Variants in DNER observed in about 807,000 individuals in gnomAD.
DNER encodes delta/notch like EGF repeat containing, also known as delta and Notch-like epidermal growth factor-related receptor.
Under a neutral mutation model 78.2 loss-of-function variants are expected in DNER, and 33 were observed. That is an observed-to-expected ratio of 0.42 (90% CI 0.32 to 0.56). DNER has a LOEUF of 0.56. DNER is among the 20% of genes least tolerant of loss of function. The pLI, the probability that DNER is intolerant of heterozygous loss-of-function variation, is 0.11. For missense variants in DNER, 918 were observed against 975.3 expected, an observed-to-expected ratio of 0.94 and a Z score of 0.78; for synonymous variants, 417 against 384.8, an observed-to-expected ratio of 1.08 and a Z score of -0.98.
At chr2:229,491,893 TA>T (rs1389712956) in intron 6 of DNER, among the ~76,000 whole-genome samples, 7 of 152,018 alleles carry the variant, frequency 4.6e-5, no homozygotes, top group Non-Finnish European at 1.0e-4. Flanking sequence ...TGCTCAGCCA[TA>T]ACCTTAAGTA....
chr2:229,394,319 T>C (rs1165696646), intron 10 of DNER, among the ~76,000 whole-genome samples: 1 of 151,634 alleles, frequency 6.6e-6, no homozygotes, highest in Non-Finnish European at 1.5e-5. Context: ...GTCCGAAGGG[T>C]AATGGTGTGG....
At chr2:229,657,773 C>T (rs1040380261) in intron 1 of DNER, among the ~76,000 whole-genome samples, 10 of 152,150 alleles carry the variant, frequency 6.6e-5, no homozygotes, top group Non-Finnish European at 1.2e-4. Flanking sequence ...AAATACCTGC[C>T]GGGTGGATAA....
intron 5 of DNER, among the ~76,000 whole-genome samples, chr2:229,515,617 C>A (rs116656095): frequency 0.015 from 2,272 of 148,528 alleles, 58 homozygotes; most frequent in African/African-American, 0.053. Flanking sequence ...AGCCCCAAAT[C>A]AAATATCTTC....
chr2:229,512,158 G>A (rs150605503), intron 6 of DNER, among the ~76,000 whole-genome samples: 1,670 of 152,252 alleles, frequency 0.011, 32 homozygotes, highest in African/African-American at 0.038. Context: ...GGAGGCAGGT[G>A]GATCACCTGA....
intron 1 of DNER, among the ~76,000 whole-genome samples, chr2:229,602,264 A>C (rs1697843163): frequency 6.6e-6 from 1 of 152,212 alleles, no homozygotes; most frequent in South Asian, 2.1e-4. Flanking sequence ...AATGCAGAAA[A>C]AACTCTTATT....
Position 229,636,023 on chromosome 2 carries a change from A to G in DNER, c.277-44135T>C, listed in dbSNP as rs577427349. Among the ~76,000 whole-genome samples the G allele has an allele frequency of 1.4e-4, 22 of 152,300 alleles. No individual in the cohort carries two copies. In the East Asian group the frequency reaches 4.2e-3, roughly 29 times the overall value. On this transcript the variant is annotated intron_variant, in intron 1 of 12. Coordinates refer to ENST00000341772, the MANE Select transcript of DNER (RefSeq NM_139072.4). ...TACAAAAAAGTTAAGTAATTTGGCC[A>G]TGGTTACAAACTCAGAAAAGACAGA...
intron 1 of DNER, among the ~76,000 whole-genome samples, chr2:229,667,000 A>G (rs1221978300): frequency 6.6e-6 from 1 of 152,228 alleles, no homozygotes; most frequent in Admixed American, 6.5e-5. Flanking sequence ...CAGGAAAATA[A>G]AAGAGTCACC....
chr2:229,456,368 CTG>C (rs1315150599), intron 7 of DNER, among the ~76,000 whole-genome samples: 2 of 151,616 alleles, frequency 1.3e-5, no homozygotes, highest in African/African-American at 4.9e-5. Context: ...ACCTCCAACA[CTG>C]GGAATTACGT....
intron 1 of DNER, among the ~76,000 whole-genome samples, chr2:229,704,949 C>T (rs925814920): frequency 1.4e-4 from 22 of 152,340 alleles, no homozygotes; most frequent in African/African-American, 5.3e-4. Flanking sequence ...ATACCTCGGA[C>T]ATATTTGACT....
At chr2:229,425,211 G>A (rs562062577) in intron 8 of DNER, among the ~76,000 whole-genome samples, 1 of 152,102 alleles carries the variant, frequency 6.6e-6, no homozygotes, top group East Asian at 1.9e-4. Context: ...TCTGGGACTG[G>A]CTCATACCAA....
At chr2:229,630,529 T>C (rs1698417543) in intron 1 of DNER, among the ~76,000 whole-genome samples, 1 of 146,268 alleles carries the variant, frequency 6.8e-6, no homozygotes, top group Admixed American at 6.8e-5. Flanking sequence ...AATAAAATCT[T>C]CTGGCAGATG....
chr2:229,453,626 A>G (rs1258027675), intron 7 of DNER, among the ~76,000 whole-genome samples: 1 of 152,180 alleles, frequency 6.6e-6, no homozygotes, highest in African/African-American at 2.4e-5. Flanking sequence ...AGCATGTCTC[A>G]TTGAGAGACC....
At chr2:229,693,259 C>A (rs890203797) in intron 1 of DNER, among the ~76,000 whole-genome samples, 8 of 151,722 alleles carry the variant, frequency 5.3e-5, no homozygotes, top group African/African-American at 1.9e-4. Flanking sequence ...GCATTTGCTT[C>A]CCCTTCCATC....
chr2:229,656,985 C>CGTGTGTGT (rs1417445603), intron 1 of DNER, among the ~76,000 whole-genome samples: 102,787 of 148,670 alleles, frequency 0.69, 38,767 homozygotes, highest in Non-Finnish European at 0.84. Context: ...ACAGTTACCA[C>CGTGTGTGT]GTGTGTGTGT....
chr2:229,359,935 C>G (rs1174850382), intron 12 of DNER, among the ~76,000 whole-genome samples: 3 of 152,176 alleles, frequency 2.0e-5, no homozygotes, highest in African/African-American at 7.2e-5. Flanking sequence ...CAGAAAAACC[C>G]ACAGCTATTA....
intron 1 of DNER, among the ~76,000 whole-genome samples, chr2:229,617,626 A>G (rs994188590): frequency 1.3e-5 from 2 of 152,226 alleles, no homozygotes; most frequent in African/African-American, 4.8e-5. Context: ...AAGGAAAAAT[A>G]GTTTTTTTGT....
At position 229,546,822 on chromosome 2, in the gene DNER, C is replaced by CAGATAGATAGAT. The variant is rs1481830597; in HGVS notation, c.993+124_993+125insATCTATCTATCT. 10 of 1,365,820 alleles carry CAGATAGATAGAT rather than the reference C, an allele frequency of 7.3e-6. No homozygotes were observed. The African/African-American group carries it at 1.5e-4, about 21-fold the overall frequency. 84.6% of individuals were successfully genotyped at this position (1,365,820 alleles called of 1,614,324 possible). ...ATAGATAGACAGACAGACAGACAGA[C>CAGATAGATAGAT]AGACAGACAGATAGATAGATAGAGC... On this transcript the variant is annotated intron_variant, in intron 5 of 12. Transcript: ENST00000341772.
At chr2:229,505,273 A>G (rs2154212089) in intron 6 of DNER, among the ~76,000 whole-genome samples, 1 of 151,510 alleles carries the variant, frequency 6.6e-6, no homozygotes, top group Middle Eastern at 3.4e-3. Context: ...AGAGAGAGAA[A>G]CCTATGGGAA....
rs147547259 is a variant in DNER, at chr2:229,497,798, T to C, written c.1147+14985A>G. ...AAAATGTGAACAGACCAAGAATGAG[T>C]AAAAGAGTGAGCCAGTAATAAAAAA... On this transcript the variant is annotated intron_variant, in intron 6 of 12. Transcript: ENST00000341772. Among the ~76,000 whole-genome samples the C allele has an allele frequency of 3.3e-5, 5 of 151,898 alleles. No individual in the cohort carries two copies. The East Asian group carries it at 9.7e-4, about 29-fold the overall frequency.
Sources: allele counts gnomAD v4.1 joint callset (sites outside exome capture counted in the v4.1 genomes callset), GRCh38; gene constraint gnomAD v4.1.1; transcripts MANE v1.5; gene names NCBI Gene and HGNC (gene_info 2026-07-23, HGNC 2026-07-21).